LMBR1: variants seen among roughly 807,000 people sequenced by gnomAD.
LMBR1 encodes the protein limb development membrane protein 1, also known as limb region 1 protein homolog.
Under a neutral mutation model 73.9 loss-of-function variants are expected in LMBR1, and 52 were observed. That is an observed-to-expected ratio of 0.70 (90% confidence interval 0.56 to 0.89). LMBR1 has a LOEUF of 0.89. Among genes scored for constraint, LMBR1 ranks in the 40% least tolerant of loss-of-function variants. The pLI is 0.00. For synonymous variants in LMBR1, 215 were observed against 209.4 expected (o/e 1.03, Z -0.23); for missense variants, 539 against 579.8 (o/e 0.93, Z 0.72).
In LMBR1 at chr7:156,682,825, G is replaced by T. The variant is rs1239051742; in HGVS notation, c.*1253C>A. ...CTATTTTCATACACACAGTGCATGT[G>T]AACATATTTATATAGCAGACTGCAT... On this transcript the variant is annotated 3_prime_UTR_variant, in exon 17 of 17. Coordinates refer to ENST00000353442, the MANE Select transcript of LMBR1 (RefSeq NM_022458.4). The T allele has an allele frequency of 6.6e-6, 1 of 152,182 alleles. No individual in the cohort carries two copies. Among genetic ancestry groups the T allele is most frequent in the African/African-American group, 2.4e-5 (1 of 41,444 alleles). 9.4% of individuals were successfully genotyped at this position (152,182 alleles called of 1,614,324 possible).
At chr7:156,675,820 G>A (rs1437131236), downstream of LMBR1, 6 of 1,614,072 alleles carry the variant, frequency 3.7e-6, no homozygotes, top group Non-Finnish European at 5.1e-6. Context: ...GAAAAATGTG[G>A]CCATGAGATC....
At chr7:156,891,211 A>AAAAAAAAAAT (rs1802875174) in intron 1 of LMBR1, among the ~76,000 whole-genome samples, 5 of 81,496 alleles carry the variant, frequency 6.1e-5, no homozygotes, top group African/African-American at 2.6e-4. Context: ...AAAAAAAAAA[A>AAAAAAAAAAT]ATATATATAT....
intron 5 of LMBR1, among the ~76,000 whole-genome samples, chr7:156,781,544 C>G (rs915425849): frequency 6.6e-6 from 1 of 152,132 alleles, no homozygotes; most frequent in African/African-American, 2.4e-5. Flanking sequence ...CATTGAAAAT[C>G]AGCAAGTTGG....
Position 156,685,695 on chromosome 7 carries a change from A to G in LMBR1, c.1388-1532T>C, listed in dbSNP as rs1805862993. Among the ~76,000 whole-genome samples the G allele has an allele frequency of 6.6e-6, 1 of 152,250 alleles. No individual in the cohort carries two copies. The highest frequency in any genetic ancestry group is 2.4e-5 in the African/African-American group (1 of 41,472). ...TGCTGTGGCCACTGTCACATAGGCAAGTGGTCTGTTATTGACCAAATGATC... is the reference window on the plus strand; with the variant it reads ...TGCTGTGGCCACTGTCACATAGGCAGGTGGTCTGTTATTGACCAAATGATC... On this transcript the variant is annotated intron_variant, in intron 16 of 16. Coordinates refer to ENST00000353442, the MANE Select transcript of LMBR1 (RefSeq NM_022458.4). The surrounding 1 kb of genome is among the most constrained non-coding windows in gnomAD (Gnocchi z 4.1).
chr7:156,714,628 G>A (rs1326070165), intron 15 of LMBR1, among the ~76,000 whole-genome samples: 2 of 152,298 alleles, frequency 1.3e-5, no homozygotes, highest in East Asian at 1.9e-4. Flanking sequence ...GAAATGACAA[G>A]ATCACACTTC....
intron 4 of LMBR1, among the ~76,000 whole-genome samples, chr7:156,808,350 CTTT>C (rs1368776631): frequency 1.3e-5 from 2 of 152,080 alleles, no homozygotes; most frequent in Non-Finnish European, 2.9e-5. Flanking sequence ...AAATGATCTT[CTTT>C]ATGACTGGTA....
chr7:156,762,043 C>T (rs1823147701), intron 8 of LMBR1, 91 bp downstream of exon 8: 4 of 690,970 alleles, frequency 5.8e-6, no homozygotes, highest in Non-Finnish European at 7.5e-6. Context: ...TATTCTTCTT[C>T]TATTTCTAAA....
In LMBR1 at chr7:156,734,195, T is replaced by A. The variant is rs1228173830; in HGVS notation, c.820A>T (p.Thr274Ser). The stretch of plus-strand genomic sequence containing the variant: ...ACAATACCTAATTTTGTCTTAAGAG[T>A]CTTTACATTTTCAAGTTCTTGTTCC... ...ELEQELENVKTLKTKLERRKK... is the reference protein window; with the variant it reads ...ELEQELENVKSLKTKLERRKK... The change falls in exon 10 of 17, where the codon ACT becomes TCT. Residue 274 changes from threonine (T) to serine (S), a missense_variant. This residue lies in a region of LMBR1 where 454 missense variants were observed against 473.4 expected (regional missense o/e 0.96). Coordinates refer to ENST00000353442, the MANE Select transcript of LMBR1 (RefSeq NM_022458.4). 6.2e-7 allele frequency: 1 copy of A among 1,607,524 alleles called. No individual in the cohort carries two copies. Among genetic ancestry groups the A allele is most frequent in the East Asian group, 2.2e-5 (1 of 44,714 alleles).
intron 5 of LMBR1, among the ~76,000 whole-genome samples, chr7:156,781,528 T>C (rs989238714): frequency 1.3e-5 from 2 of 152,168 alleles, no homozygotes; most frequent in Non-Finnish European, 2.9e-5. Flanking sequence ...TATTTATATA[T>C]TTTTCCATTG....
intron 12 of LMBR1, 159 bp from the exon 13 acceptor site, chr7:156,725,996 C>G (rs1815676439): frequency 2.1e-6 from 1 of 484,878 alleles, no homozygotes. Context: ...TGACATTAGA[C>G]TGATTTCATC....
At chr7:156,771,677 T>A (rs1480623230) in intron 5 of LMBR1, among the ~76,000 whole-genome samples, 1 of 152,142 alleles carries the variant, frequency 6.6e-6, no homozygotes, top group Non-Finnish European at 1.5e-5. Context: ...CTGGTACCAT[T>A]CCTACTGAAA....
intron 4 of LMBR1, among the ~76,000 whole-genome samples, chr7:156,671,858 G>C (rs960259740): frequency 6.6e-6 from 1 of 152,032 alleles, no homozygotes; most frequent in Non-Finnish European, 1.5e-5. Context: ...TAAAAAAATA[G>C]AACTATCTCA....
intron 5 of LMBR1, among the ~76,000 whole-genome samples, chr7:156,787,246 AC>A (rs1828281870): frequency 6.6e-6 from 1 of 151,916 alleles, no homozygotes; most frequent in African/African-American, 2.4e-5. Flanking sequence ...CCTTGTGACC[AC>A]CCTCTCTCCC....
Position 156,682,965 on chromosome 7 carries a change from G to A in LMBR1, c.*1113C>T, listed in dbSNP as rs1342455831. The A allele has an allele frequency of 6.6e-6, 1 of 152,128 alleles. No individual in the cohort carries two copies. Among genetic ancestry groups the A allele is most frequent in the Non-Finnish European group, 1.5e-5 (1 of 68,024 alleles). 9.4% of individuals were successfully genotyped at this position (152,128 alleles called of 1,614,324 possible). Reference sequence around the variant, plus strand: ...GCAATTTCATAGTTTTTATTCAGTGGACTTAAAGCCAAGAAACCATCCCAA... The same window carrying A: ...GCAATTTCATAGTTTTTATTCAGTGAACTTAAAGCCAAGAAACCATCCCAA... On this transcript the variant is annotated 3_prime_UTR_variant, in exon 17 of 17. Transcript: ENST00000353442.
chr7:156,845,522 GA>G (rs1338047080), intron 1 of LMBR1, among the ~76,000 whole-genome samples: 2 of 152,000 alleles, frequency 1.3e-5, no homozygotes, highest in African/African-American at 4.8e-5. Context: ...TAGTAAACGG[GA>G]AAAACTATTA....
At chr7:156,801,015 G>A (rs1373823068) in intron 4 of LMBR1, among the ~76,000 whole-genome samples, 1 of 152,212 alleles carries the variant, frequency 6.6e-6, no homozygotes, top group Admixed American at 6.5e-5. Flanking sequence ...ATCTACCCTG[G>A]TGAAGATGCT....
At chr7:156,860,227 C>T (rs1797542813) in intron 1 of LMBR1, among the ~76,000 whole-genome samples, 1 of 152,214 alleles carries the variant, frequency 6.6e-6, no homozygotes, top group Admixed American at 6.5e-5. Flanking sequence ...TTCCACGTGG[C>T]TGGGGAGGCC....
At chr7:156,700,003 G>C (rs887268608) in intron 15 of LMBR1, among the ~76,000 whole-genome samples, 6 of 152,140 alleles carry the variant, frequency 3.9e-5, no homozygotes, top group African/African-American at 1.4e-4. Flanking sequence ...CAGGGATCTA[G>C]AACTAGAAAT....
chr7:156,766,687 T>TC, intron 5 of LMBR1, among the ~76,000 whole-genome samples: 1 of 152,064 alleles, frequency 6.6e-6, no homozygotes, highest in Non-Finnish European at 1.5e-5. Flanking sequence ...GTGAGTGTGC[T>TC]CACCCAAGTG....
Sources: allele counts gnomAD v4.1 joint callset (sites outside exome capture counted in the v4.1 genomes callset), GRCh38; gene constraint gnomAD v4.1.1; regional missense constraint gnomAD v4.1.1; non-coding constraint Gnocchi (gnomAD v3.1); transcripts MANE v1.5; gene names NCBI Gene and HGNC (gene_info 2026-07-23, HGNC 2026-07-21).